Variants in TET1 observed in about 807,000 individuals in gnomAD.
TET1 encodes methylcytosine dioxygenase TET1.
In TET1, 13 loss-of-function variants were observed where a neutral mutation model predicts 148.7. The ratio of observed to expected loss-of-function variants is 0.09; its 90% CI spans 0.06 to 0.14. TET1 has a LOEUF of 0.14. Ranked by LOEUF, TET1 falls within the 10% of genes least tolerant of loss-of-function variation. TET1 has a pLI of 1.00. For missense variants in TET1, 2,182 were observed against 2,553.8 expected (o/e 0.85, Z 3.14); for synonymous variants, 907 against 937.2 (o/e 0.97, Z 0.59).
chr10:68,596,964 A>G (rs2053995131), intron 2 of TET1, among the ~76,000 whole-genome samples: 2 of 150,992 alleles, frequency 1.3e-5, no homozygotes, highest in African/African-American at 4.9e-5. Context: ...GATATTCTGT[A>G]CACCTAACCC....
chr10:68,624,832 C>G (rs756011432), intron 3 of TET1, among the ~76,000 whole-genome samples: 2 of 145,050 alleles, frequency 1.4e-5, no homozygotes, highest in South Asian at 4.6e-4. Flanking sequence ...TCCGGGTTCA[C>G]GCCATTCTCC....
At chr10:68,570,294 G>A (rs574376852) in intron 1 of TET1, among the ~76,000 whole-genome samples, 10 of 151,510 alleles carry the variant, frequency 6.6e-5, no homozygotes, top group Non-Finnish European at 1.3e-4. Context: ...TGGTAGAGAC[G>A]GGGTTTCACC....
chr10:68,580,805 A>AATATATATATATATAT (rs1554930544), intron 2 of TET1, among the ~76,000 whole-genome samples: 1 of 94,402 alleles, frequency 1.1e-5, no homozygotes, highest in African/African-American at 4.3e-5. Context: ...AAAAAAAAAA[A>AATATATATATATATAT]ATATATATAT....
chr10:68,685,859 AT>A (rs916551305), intron 10 of TET1, among the ~76,000 whole-genome samples: 6 of 151,888 alleles, frequency 4.0e-5, no homozygotes, highest in Admixed American at 6.6e-5. Context: ...TTAAAAAAAA[AT>A]TTTTTTTAAC....
chr10:68,618,154 A>G (rs2054321980), intron 3 of TET1, among the ~76,000 whole-genome samples: 1 of 152,150 alleles, frequency 6.6e-6, no homozygotes, highest in Non-Finnish European at 1.5e-5. Flanking sequence ...TTTAAGTAAT[A>G]GTAAAAAATG....
chr10:68,667,567 A>G (rs1031914829), intron 7 of TET1, among the ~76,000 whole-genome samples: 4 of 152,042 alleles, frequency 2.6e-5, no homozygotes, highest in Admixed American at 1.3e-4. Context: ...TATCCTGGCT[A>G]ATATGTCTCC....
At chr10:68,619,080 A>G (rs1224798636) in intron 3 of TET1, among the ~76,000 whole-genome samples, 1 of 152,198 alleles carries the variant, frequency 6.6e-6, no homozygotes, top group Non-Finnish European at 1.5e-5. Flanking sequence ...ATTCTCCTGT[A>G]TACTTGTTCC....
chr10:68,693,437 G>C lies in TET1; in HGVS notation c.*1623G>C. 4.3e-6 allele frequency: 1 copy of C among 233,248 alleles called. No homozygotes were observed. Among genetic ancestry groups the C allele is most frequent in the Non-Finnish European group, 8.5e-6 (1 of 117,874 alleles). The allele number at this position is 233,248 out of a possible 1,614,324, so 14.4% of individuals were successfully genotyped here. The stretch of plus-strand genomic sequence containing the variant: ...GTGCAAAAGCAAACAGTTCCAGCAG[G>C]CTCTCTAAAGAAAAACTCATTGTAA... On this transcript the variant is annotated 3_prime_UTR_variant, in exon 12 of 12. Coordinates refer to ENST00000373644, the MANE Select transcript of TET1 (RefSeq NM_030625.3).
intron 2 of TET1, among the ~76,000 whole-genome samples, chr10:68,585,349 G>A (rs2053849409): frequency 6.6e-6 from 1 of 152,004 alleles, no homozygotes; most frequent in Non-Finnish European, 1.5e-5. Flanking sequence ...GACCAGGGTG[G>A]TCTTGAACTC....
chr10:68,685,491 C>T (rs975112992), intron 10 of TET1, among the ~76,000 whole-genome samples: 1 of 151,840 alleles, frequency 6.6e-6, no homozygotes, highest in African/African-American at 2.4e-5. Context: ...CAGTGGCTCA[C>T]ACCTGTAATC....
intron 3 of TET1, among the ~76,000 whole-genome samples, chr10:68,620,462 A>C (rs1167418826): frequency 2.0e-5 from 3 of 152,082 alleles, no homozygotes; most frequent in Non-Finnish European, 4.4e-5. Context: ...AATCTTTTCC[A>C]AGTTTATCTG....
intron 3 of TET1, among the ~76,000 whole-genome samples, chr10:68,613,579 T>C (rs1173290697): frequency 6.6e-6 from 1 of 152,014 alleles, no homozygotes; most frequent in South Asian, 2.1e-4. Context: ...ATTGGTTCAT[T>C]GAAAAAACAA....
intron 7 of TET1, 94 bp from the exon 8 acceptor site, chr10:68,672,801 C>T (rs928108883): frequency 1.2e-5 from 12 of 992,444 alleles, no homozygotes; most frequent in South Asian, 4.6e-5. Context: ...GTTCTTTAGG[C>T]ATCCATCCTT....
In TET1 at chr10:68,563,536, G is replaced by T. The variant is rs546444132; in HGVS notation, c.-123+2794G>T. On this transcript the variant is annotated intron_variant, in intron 1 of 11. Coordinates refer to ENST00000373644, the MANE Select transcript of TET1 (RefSeq NM_030625.3). ...TTTTGGCCACTGCTGGTAGTGGGAA[G>T]AATTGAAATATGACTTTAATTTAAC... 3.9e-5 allele frequency among the ~76,000 whole-genome samples: 6 copies of T among 152,344 alleles called. No homozygotes were observed. The South Asian group carries it at 1.2e-3, about 32-fold the overall frequency.
chr10:68,663,587 T>G (rs778069197), intron 6 of TET1, among the ~76,000 whole-genome samples: 1 of 152,224 alleles, frequency 6.6e-6, no homozygotes, highest in Non-Finnish European at 1.5e-5. Context: ...CAGTCATATA[T>G]CATATTGTCT....
intron 3 of TET1, among the ~76,000 whole-genome samples, chr10:68,627,934 TA>T (rs34319303): frequency 0.012 from 1,737 of 147,298 alleles, 25 homozygotes; most frequent in South Asian, 0.021. Context: ...AGACTATGTC[TA>T]AAAAAAAAAG....
chr10:68,583,853 G>A (rs1372963404), intron 2 of TET1, among the ~76,000 whole-genome samples: 2 of 151,848 alleles, frequency 1.3e-5, no homozygotes, highest in Non-Finnish European at 2.9e-5. Context: ...GGAGGTTGCA[G>A]TAAGCTGAGA....
intron 3 of TET1, among the ~76,000 whole-genome samples, chr10:68,609,409 C>T (rs1458855175): frequency 6.6e-6 from 1 of 152,152 alleles, no homozygotes; most frequent in Non-Finnish European, 1.5e-5. Flanking sequence ...GATCCACCCT[C>T]CTCGGCCTCC....
intron 2 of TET1, among the ~76,000 whole-genome samples, chr10:68,577,236 A>G (rs61869327): frequency 0.058 from 8,631 of 149,386 alleles, 332 homozygotes; most frequent in Non-Finnish European, 0.079. Flanking sequence ...TAATAGAGAC[A>G]GGGTTTTGCC....
Sources: allele counts gnomAD v4.1 joint callset (sites outside exome capture counted in the v4.1 genomes callset), GRCh38; gene constraint gnomAD v4.1.1; transcripts MANE v1.5; gene names NCBI Gene and HGNC (gene_info 2026-07-23, HGNC 2026-07-21).